Variants in CUX1 observed in about 807,000 individuals in gnomAD.
CUX1 encodes protein CASP.
In CUX1, 31 loss-of-function variants were observed where a neutral mutation model predicts 158.8. That is an observed-to-expected ratio of 0.20 (90% confidence interval 0.15 to 0.26). The LOEUF is 0.26. Among genes scored for constraint, CUX1 ranks in the 10% least tolerant of loss-of-function variants. The pLI, the probability that CUX1 is intolerant of heterozygous loss-of-function variation, is 1.00. For synonymous variants in CUX1, 879 were observed against 862.1 expected, an observed-to-expected ratio of 1.02 and a Z score of -0.34; for missense variants, 1,589 against 2,014.6, an observed-to-expected ratio of 0.79 and a Z score of 4.04.
At chr7:102,278,657 A>AATAAAATAT (rs781848717) in intron 18 of CUX1, among the ~76,000 whole-genome samples, 13 of 99,106 alleles carry the variant, frequency 1.3e-4, no homozygotes, top group African/African-American at 3.5e-4. Flanking sequence ...AATAAAATAA[A>AATAAAATAT]AAAATAAAAT....
At chr7:102,262,159 C>T (rs544473523), downstream of CUX1, among the ~76,000 whole-genome samples, 2 of 152,184 alleles carry the variant, frequency 1.3e-5, no homozygotes, top group Admixed American at 6.5e-5. Context: ...AATCCCAGCA[C>T]TTTGGGAGCC....
intron 1 of CUX1, among the ~76,000 whole-genome samples, chr7:101,846,602 G>GCCAGCGGGAGCCACCCTAC: frequency 6.6e-6 from 1 of 152,168 alleles, no homozygotes; most frequent in East Asian, 1.9e-4. Flanking sequence ...TGCTAGGATT[G>GCCAGCGGGAGCCACCCTAC]CCAGCGGGAG....
At position 101,998,189 on chromosome 7, in the gene CUX1, A is replaced by G. The variant is rs142855158; in HGVS notation, c.142-29909A>G. 9.6e-3 allele frequency among the ~76,000 whole-genome samples: 1,455 copies of G among 152,036 alleles called. 21 individuals are homozygous for G. The highest frequency in any genetic ancestry group is 0.033 in the African/African-American group (1,380 of 41,484). On this transcript the variant is annotated intron_variant, in intron 2 of 23. Transcript: ENST00000292535. ...GGCTGTGCCCGGGCTGCAGGCTCCCATTTACCAGATGTGTGCAGTGTGGAT... is the reference window on the plus strand; with the variant it reads ...GGCTGTGCCCGGGCTGCAGGCTCCCGTTTACCAGATGTGTGCAGTGTGGAT...
At chr7:101,844,722 T>G (rs1795509445) in intron 1 of CUX1, among the ~76,000 whole-genome samples, 1 of 152,174 alleles carries the variant, frequency 6.6e-6, no homozygotes, top group Non-Finnish European at 1.5e-5. Context: ...TTCAAGTGAT[T>G]CTTGTGCCTC....
intron 1 of CUX1, among the ~76,000 whole-genome samples, chr7:101,915,412 C>T (rs928292444): frequency 1.3e-5 from 2 of 152,190 alleles, no homozygotes; most frequent in African/African-American, 2.4e-5. Context: ...TGGTCCTCAG[C>T]GTTCCCGCGC....
At chr7:101,961,203 GATTCCA>G (rs1270655036) in intron 2 of CUX1, 3 of 152,212 alleles carry the variant, frequency 2.0e-5, no homozygotes, top group Non-Finnish European at 4.4e-5. Context: ...CCGGGAGAGA[GATTCCA>G]TCTGTGTGTC....
chr7:102,191,601 C>T (rs1438234167), intron 12 of CUX1, among the ~76,000 whole-genome samples: 12 of 152,084 alleles, frequency 7.9e-5, no homozygotes, highest in African/African-American at 2.7e-4. Context: ...TTCCCTCTTC[C>T]AAAAAGAAAA....
chr7:101,986,085 G>C (rs1032026914), intron 2 of CUX1, among the ~76,000 whole-genome samples: 5 of 152,214 alleles, frequency 3.3e-5, no homozygotes, highest in Admixed American at 6.5e-5. Flanking sequence ...TGTTAAGCTG[G>C]TGAAATTTAA....
chr7:102,070,222 A>G, intron 3 of CUX1, 117 bp from the exon 4 acceptor site: 1 of 806,688 alleles, frequency 1.2e-6, no homozygotes, highest in East Asian at 2.6e-5. Flanking sequence ...GCTGAAGCCC[A>G]GTTGTCAAGC....
At chr7:102,208,793 T>C (rs1360817325) in intron 20 of CUX1, among the ~76,000 whole-genome samples, 1 of 152,204 alleles carries the variant, frequency 6.6e-6, no homozygotes, top group Non-Finnish European at 1.5e-5. Flanking sequence ...GCTCCCTCCA[T>C]TGCTTGCCTC....
chr7:102,067,989 C>T (rs1247356739), intron 3 of CUX1, among the ~76,000 whole-genome samples: 2 of 151,956 alleles, frequency 1.3e-5, no homozygotes, highest in Non-Finnish European at 2.9e-5. Flanking sequence ...CCACTGCACT[C>T]CAGCCTGGGC....
At chr7:101,844,016 C>T (rs1238199740) in intron 1 of CUX1, among the ~76,000 whole-genome samples, 1 of 152,178 alleles carries the variant, frequency 6.6e-6, no homozygotes, top group African/African-American at 2.4e-5. Flanking sequence ...AAGTTTGGGA[C>T]TTTCAGAGCT....
chr7:102,041,827 C>T (rs976528109), intron 3 of CUX1, among the ~76,000 whole-genome samples: 3 of 152,026 alleles, frequency 2.0e-5, no homozygotes, highest in Non-Finnish European at 4.4e-5. Flanking sequence ...ACCACTATGC[C>T]TGGCTAATTT....
chr7:102,115,308 A>G (rs1585744334), intron 8 of CUX1, 35 bp downstream of exon 8: 1 of 1,580,764 alleles, frequency 6.3e-7, no homozygotes, highest in Non-Finnish European at 8.6e-7. Flanking sequence ...TTATCCGTAC[A>G]CATTTCTCAC....
In CUX1 at chr7:101,853,584, G is replaced by GGTGTGTGTGTGTGTGTGTGTGT. The variant is rs59324904; in HGVS notation, c.30+35932_30+35953dup. Among the ~76,000 whole-genome samples the GGTGTGTGTGTGTGTGTGTGTGT allele has an allele frequency of 1.8e-3, 249 of 140,844 alleles. 1 individual carries two copies. The highest frequency in any genetic ancestry group is 6.4e-3 in the African/African-American group (236 of 36,690). The allele number at this position is 140,844 out of a possible 152,430, so 92.4% of individuals were successfully genotyped here. ...TATATCAGAGCATGGCAATAGAAAGGGTGTGTGTGTGTGTGTGTGTGTGTG... is the reference window on the plus strand; with the variant it reads ...TATATCAGAGCATGGCAATAGAAAGGGTGTGTGTGTGTGTGTGTGTGTGTGTGTGTGTGTGTGTGTGTGTGTG... On this transcript the variant is annotated intron_variant, in intron 1 of 23. Coordinates refer to ENST00000292535, the MANE Select transcript of CUX1 (RefSeq NM_181552.4).
chr7:102,194,896 C>T (rs782780983), intron 13 of CUX1, among the ~76,000 whole-genome samples: 1 of 150,924 alleles, frequency 6.6e-6, no homozygotes, highest in Non-Finnish European at 1.5e-5. Context: ...TGGTGGCGCA[C>T]GTCTGTAATC....
chr7:102,283,727 G>A (rs1792293303), exon 23 of CUX1: 1 of 151,692 alleles, frequency 6.6e-6, no homozygotes. Flanking sequence ...TTCTTCTTTA[G>A]CAAGATATTC....
chr7:102,115,264 C>T lies in CUX1; in HGVS notation c.665C>T (p.Thr222Ile). 1 of 1,609,978 alleles carries T rather than the reference C, an allele frequency of 6.2e-7. No individual in the cohort carries two copies. The highest frequency in any genetic ancestry group is 8.5e-7 in the Non-Finnish European group (1 of 1,179,138). ...CTGAAAACCAAATACGATGAAGAAA[C>T]TACTGCAAAGTAAGTCTCTCTGCTT... The part of the protein sequence containing the change: ...FDLKTKYDEE[T>I]TAKADEIEMI... The change falls in exon 8 of 24, where the codon ACT becomes ATT. Residue 222 changes from threonine (T) to isoleucine (I), a missense_variant. Physicochemically the swap from Thr to Ile is moderately conservative, Grantham distance 89. Around this residue, in one of 8 missense-constraint regions of CUX1, gnomAD observed 515 missense variants for 574.4 expected, o/e 0.90. Coordinates refer to ENST00000292535, the MANE Select transcript of CUX1 (RefSeq NM_181552.4).
intron 1 of CUX1, among the ~76,000 whole-genome samples, chr7:101,835,300 C>T (rs183130002): frequency 4.6e-5 from 7 of 152,246 alleles, no homozygotes; most frequent in African/African-American, 1.7e-4. Flanking sequence ...CGGGGCTCAC[C>T]CACATTGACT....
Sources: allele counts gnomAD v4.1 joint callset (sites outside exome capture counted in the v4.1 genomes callset), GRCh38; gene constraint gnomAD v4.1.1; regional missense constraint gnomAD v4.1.1; transcripts MANE v1.5; gene names NCBI Gene and HGNC (gene_info 2026-07-23, HGNC 2026-07-21).